The following ATP8B1 variants were observed in gnomAD, a reference collection of about 807,000 sequenced individuals.
The protein encoded by ATP8B1 is phospholipid-transporting ATPase IC.
A neutral mutation model predicts 149.9 loss-of-function variants in ATP8B1; 80 were observed. The observed-to-expected ratio is 0.53, with a 90% CI of 0.45 to 0.64. The LOEUF is 0.64. Ranked by LOEUF, ATP8B1 falls within the 30% of genes least tolerant of loss-of-function variation. The pLI is 0.00. For synonymous variants in ATP8B1, 536 were observed against 562.8 expected (o/e 0.95, Z 0.67); for missense variants, 1,247 against 1,552.6 (o/e 0.80, Z 3.31).
chr18:57,719,409 T>G (rs1429347652), intron 2 of ATP8B1, among the ~76,000 whole-genome samples: 2 of 152,054 alleles, frequency 1.3e-5, no homozygotes, highest in Non-Finnish European at 2.9e-5. Context: ...GCGCGCACTG[T>G]GCGCGAGCCG....
intron 20 of ATP8B1, among the ~76,000 whole-genome samples, chr18:57,664,471 A>G (rs1461756464): frequency 7.1e-6 from 1 of 140,426 alleles, no homozygotes; most frequent in Admixed American, 8.2e-5. Flanking sequence ...GCACCACTGC[A>G]CTCCAGCCTG....
intron 2 of ATP8B1, among the ~76,000 whole-genome samples, chr18:57,713,792 AT>A (rs1221252967): frequency 2.0e-4 from 11 of 55,848 alleles, no homozygotes; most frequent in Non-Finnish European, 1.9e-4. Context: ...GCCCGGCCTA[AT>A]TTTTTTTATT....
intron 13 of ATP8B1, among the ~76,000 whole-genome samples, chr18:57,685,760 C>T (rs1337754569): frequency 6.6e-6 from 1 of 151,132 alleles, no homozygotes; most frequent in Non-Finnish European, 1.5e-5. Flanking sequence ...GGTGAAACTC[C>T]ATCTCTATTA....
At chr18:57,785,192 C>G (rs1862114277) in intron 1 of ATP8B1, among the ~76,000 whole-genome samples, 1 of 152,180 alleles carries the variant, frequency 6.6e-6, no homozygotes, top group Admixed American at 6.5e-5. Flanking sequence ...CTTGAAAAAT[C>G]TTTATCCTTT....
chr18:57,746,467 C>CTTTTTT (rs71171082), intron 1 of ATP8B1, among the ~76,000 whole-genome samples: 10 of 94,114 alleles, frequency 1.1e-4, no homozygotes, highest in South Asian at 4.1e-4. Flanking sequence ...CTGATGCTTA[C>CTTTTTT]TTTTTTTTTT....
intron 1 of ATP8B1, among the ~76,000 whole-genome samples, chr18:57,732,331 G>GTGTATATA (rs1568044485): frequency 6.2e-4 from 8 of 12,814 alleles, no homozygotes; most frequent in African/African-American, 1.6e-3. Context: ...GTGTATATAT[G>GTGTATATA]TGTGTATATA....
chr18:57,649,631 C>T (rs1302067637), intron 27 of ATP8B1, among the ~76,000 whole-genome samples: 2 of 152,064 alleles, frequency 1.3e-5, no homozygotes, highest in Non-Finnish European at 2.9e-5. Flanking sequence ...TTCTCATGGG[C>T]GGTGGGCAGG....
intron 1 of ATP8B1, among the ~76,000 whole-genome samples, chr18:57,789,255 A>G (rs2080438404): frequency 6.6e-6 from 1 of 152,140 alleles, no homozygotes; most frequent in Non-Finnish European, 1.5e-5. Context: ...TAAATTTGGC[A>G]ACCCTATCTC....
chr18:57,767,025 C>T (rs1421395176), intron 1 of ATP8B1, among the ~76,000 whole-genome samples: 3 of 152,026 alleles, frequency 2.0e-5, no homozygotes, highest in Admixed American at 2.0e-4. Flanking sequence ...CAAATCTTTC[C>T]ATGTCATGGG....
intron 22 of ATP8B1, chr18:57,659,933 G>A (rs1910285911): frequency 6.6e-6 from 1 of 152,126 alleles, no homozygotes. Flanking sequence ...TGTACAGTCA[G>A]GTAATACTTC....
chr18:57,672,995 G>GTATATATATAAATATATGTA (rs57894241), intron 16 of ATP8B1, among the ~76,000 whole-genome samples: 2 of 98,462 alleles, frequency 2.0e-5, no homozygotes, highest in Non-Finnish European at 4.1e-5. Context: ...ATAAATACAT[G>GTATATATATAAATATATGTA]TATATATAAA....
chr18:57,788,177 G>T (rs1568072039), intron 1 of ATP8B1, among the ~76,000 whole-genome samples: 3 of 152,320 alleles, frequency 2.0e-5, no homozygotes, highest in Non-Finnish European at 4.4e-5. Context: ...GGAAGCTTAT[G>T]ACAAATGAGA....
At chr18:57,691,081 A>C (rs1034354130) in intron 12 of ATP8B1, among the ~76,000 whole-genome samples, 3 of 151,580 alleles carry the variant, frequency 2.0e-5, no homozygotes, top group Non-Finnish European at 4.4e-5. Context: ...AGGCTGAGGC[A>C]GGAGAACTGC....
At chr18:57,663,471 A>G (rs1910634069) in intron 20 of ATP8B1, among the ~76,000 whole-genome samples, 1 of 152,178 alleles carries the variant, frequency 6.6e-6, no homozygotes, top group South Asian at 2.1e-4. Context: ...GTTGCATCAT[A>G]TGGTAATCCT....
chr18:57,712,600 C>G (rs906396790), intron 2 of ATP8B1, among the ~76,000 whole-genome samples: 2 of 152,074 alleles, frequency 1.3e-5, no homozygotes, highest in African/African-American at 4.8e-5. Context: ...AACTCTTAGG[C>G]AAGTCCTAGT....
chr18:57,769,784 T>C (rs1402330736), intron 1 of ATP8B1, among the ~76,000 whole-genome samples: 1 of 152,234 alleles, frequency 6.6e-6, no homozygotes, highest in Non-Finnish European at 1.5e-5. Context: ...AGAACTTTTA[T>C]TTGTAATTCT....
chr18:57,689,949 G>A (rs1220737689), intron 12 of ATP8B1, among the ~76,000 whole-genome samples: 2 of 152,218 alleles, frequency 1.3e-5, no homozygotes, highest in African/African-American at 4.8e-5. Flanking sequence ...CCAGCAGGTG[G>A]AGGTTGCAGT....
intron 1 of ATP8B1, among the ~76,000 whole-genome samples, chr18:57,787,437 G>A (rs546753679): frequency 3.0e-5 from 4 of 135,542 alleles, no homozygotes; most frequent in African/African-American, 9.9e-5. Flanking sequence ...CACTGCGGGA[G>A]GAGCTCCATC....
chr18:57,680,327 G>A, intron 15 of ATP8B1, among the ~76,000 whole-genome samples: 1 of 130,928 alleles, frequency 7.6e-6, no homozygotes, highest in African/African-American at 2.8e-5. Flanking sequence ...GCTCACACCT[G>A]TAATCCCAGC....
Sources: allele counts gnomAD v4.1 joint callset (sites outside exome capture counted in the v4.1 genomes callset), GRCh38; gene constraint gnomAD v4.1.1; transcripts MANE v1.5; gene names NCBI Gene and HGNC (gene_info 2026-07-23, HGNC 2026-07-21).